The following PTPRT variants were observed in gnomAD, a reference collection of about 807,000 sequenced individuals.
PTPRT encodes protein tyrosine phosphatase receptor type T, also known as receptor-type tyrosine-protein phosphatase T.
Under a neutral mutation model 176.8 loss-of-function variants are expected in PTPRT, and 56 were observed. The ratio of observed to expected loss-of-function variants is 0.32; its 90% CI spans 0.26 to 0.40. PTPRT has a LOEUF of 0.40. PTPRT is among the 10% of genes least tolerant of loss of function. The pLI, the probability that PTPRT is intolerant of heterozygous loss-of-function variation, is 1.00. For missense variants in PTPRT, 1,540 were observed against 1,908.2 expected (o/e 0.81, Z 3.60); for synonymous variants, 783 against 739.0 (o/e 1.06, Z -0.96).
intron 13 of PTPRT, among the ~76,000 whole-genome samples, chr20:42,256,539 G>A (rs1414004085): frequency 6.6e-6 from 1 of 151,314 alleles, no homozygotes; most frequent in Non-Finnish European, 1.5e-5. Context: ...TTACGCTAGT[G>A]TGATGTTGAT....
chr20:43,151,335 A>C (rs63617763), intron 1 of PTPRT, among the ~76,000 whole-genome samples: 1 of 103,294 alleles, frequency 9.7e-6, no homozygotes. Context: ...AAAAAAAAAA[A>C]GGCATGGACT....
At chr20:42,141,826 T>C in intron 18 of PTPRT, 89 bp downstream of exon 18, 1 of 1,230,668 alleles carries the variant, frequency 8.1e-7, no homozygotes. Context: ...GATTATTTGA[T>C]AACAAATTCC....
chr20:43,160,145 C>A (rs2014652058), intron 1 of PTPRT, among the ~76,000 whole-genome samples: 1 of 152,160 alleles, frequency 6.6e-6, no homozygotes, highest in African/African-American at 2.4e-5. Flanking sequence ...GAGCAAGAAG[C>A]CACCAGAATA....
intron 7 of PTPRT, among the ~76,000 whole-genome samples, chr20:42,605,295 C>T (rs2073856410): frequency 6.6e-6 from 1 of 151,824 alleles, no homozygotes; most frequent in African/African-American, 2.4e-5. Context: ...TAGGGGAGCT[C>T]ACTGCCCTTG....
intron 1 of PTPRT, among the ~76,000 whole-genome samples, chr20:42,978,032 C>T (rs1006152752): frequency 1.3e-5 from 2 of 151,940 alleles, no homozygotes; most frequent in Non-Finnish European, 2.9e-5. Context: ...CAGTGGATGC[C>T]TGGTGCATTG....
At chr20:43,017,564 C>A (rs953558423) in intron 1 of PTPRT, among the ~76,000 whole-genome samples, 1 of 152,180 alleles carries the variant, frequency 6.6e-6, no homozygotes, top group Admixed American at 6.5e-5. Flanking sequence ...TCCCTTGTCA[C>A]CCTCCCCACC....
chr20:42,517,574 G>GCATA (rs1277279554), intron 7 of PTPRT, among the ~76,000 whole-genome samples: 2 of 151,882 alleles, frequency 1.3e-5, no homozygotes, highest in African/African-American at 2.4e-5. Context: ...GAAGTGTGAT[G>GCATA]CATAGTCCAT....
intron 17 of PTPRT, among the ~76,000 whole-genome samples, chr20:42,152,223 C>T (rs1600596573): frequency 6.6e-6 from 1 of 152,228 alleles, no homozygotes; most frequent in African/African-American, 2.4e-5. Context: ...TTAGTGGTGG[C>T]CTTGGCAGAG....
intron 7 of PTPRT, among the ~76,000 whole-genome samples, chr20:42,577,426 G>C (rs1194225608): frequency 6.6e-6 from 1 of 152,176 alleles, no homozygotes; most frequent in Non-Finnish European, 1.5e-5. Flanking sequence ...AGGGGCTAAG[G>C]GGACACAGAC....
chr20:42,645,638 C>T (rs2074874942), intron 7 of PTPRT, among the ~76,000 whole-genome samples: 1 of 151,884 alleles, frequency 6.6e-6, no homozygotes, highest in Non-Finnish European at 1.5e-5. Flanking sequence ...AGAGTAAGTA[C>T]AGGCGGCTAC....
chr20:42,071,260 C>T (rs1600439224), downstream of PTPRT, among the ~76,000 whole-genome samples: 1 of 152,322 alleles, frequency 6.6e-6, no homozygotes, highest in African/African-American at 2.4e-5. Context: ...AACTAGTAAA[C>T]TCCAAGGAGT....
intron 7 of PTPRT, among the ~76,000 whole-genome samples, chr20:42,534,892 A>G (rs913881803): frequency 6.6e-6 from 1 of 152,124 alleles, no homozygotes; most frequent in Admixed American, 6.5e-5. Context: ...CATATCAACA[A>G]TGGTACGTAT....
rs1363474265 is a variant in PTPRT at position 42,186,001 on chromosome 20, G to GA, written c.2491+13238dup. On this transcript the variant is annotated intron_variant, in intron 16 of 30. Coordinates refer to ENST00000373187, the MANE Select transcript of PTPRT (RefSeq NM_007050.6). ...ATTTGCAAACCGCAGTTGTTGCTGA[G>GA]AAAAAAGGTGGAATACAATTCTGTC... Among the ~76,000 whole-genome samples the GA allele has an allele frequency of 3.9e-5, 6 of 152,014 alleles. No individual in the cohort carries two copies. The East Asian group carries it at 1.2e-3, about 30-fold the overall frequency.
At chr20:42,400,538 G>A (rs2058894864) in intron 9 of PTPRT, among the ~76,000 whole-genome samples, 1 of 152,048 alleles carries the variant, frequency 6.6e-6, no homozygotes, top group South Asian at 2.1e-4. Flanking sequence ...TCTCTGAGTA[G>A]GTCAGGAAAG....
At chr20:42,534,112 G>A (rs1000874778) in intron 7 of PTPRT, among the ~76,000 whole-genome samples, 3 of 152,202 alleles carry the variant, frequency 2.0e-5, no homozygotes, top group Admixed American at 6.5e-5. Flanking sequence ...GAGCAGACAG[G>A]TGTCTGCATT....
At chr20:42,063,330 A>G in the PTPRT span, among the ~76,000 whole-genome samples, 3 of 152,144 alleles carry the variant, frequency 2.0e-5, no homozygotes, top group Non-Finnish European at 4.4e-5. Flanking sequence ...CACTTGTTCC[A>G]CAACCCCAAA....
chr20:42,932,358 G>C (rs1979911649), intron 1 of PTPRT, among the ~76,000 whole-genome samples: 1 of 152,238 alleles, frequency 6.6e-6, no homozygotes, highest in South Asian at 2.1e-4. Context: ...CTGCAGCGCA[G>C]GCTGCACGTG....
At chr20:42,630,909 T>C (rs1223774081) in intron 7 of PTPRT, among the ~76,000 whole-genome samples, 2 of 152,096 alleles carry the variant, frequency 1.3e-5, no homozygotes, top group African/African-American at 2.4e-5. Context: ...ATTCTCTGAG[T>C]GATTGAAGTC....
intron 2 of PTPRT, among the ~76,000 whole-genome samples, chr20:42,793,218 C>T (rs756576232): frequency 1.3e-5 from 2 of 152,192 alleles, no homozygotes; most frequent in African/African-American, 2.4e-5. Context: ...GATACAAGTG[C>T]AGCTGTGTTT....
Sources: allele counts gnomAD v4.1 joint callset (sites outside exome capture counted in the v4.1 genomes callset), GRCh38; gene constraint gnomAD v4.1.1; transcripts MANE v1.5; gene names NCBI Gene and HGNC (gene_info 2026-07-23, HGNC 2026-07-21).